Variants in ATG16L1 observed in about 807,000 individuals in gnomAD.
The protein encoded by ATG16L1 is autophagy-related protein 16-1.
In ATG16L1, 37 loss-of-function variants were observed where a neutral mutation model predicts 88.5. The observed-to-expected ratio is 0.42, with a 90% CI of 0.32 to 0.55. The LOEUF is 0.55. Among genes scored for constraint, ATG16L1 ranks in the 20% least tolerant of loss-of-function variants. The pLI, the probability that ATG16L1 is intolerant of heterozygous loss-of-function variation, is 0.13. For synonymous variants in ATG16L1, 301 were observed against 281.0 expected, an observed-to-expected ratio of 1.07 and a Z score of -0.71; for missense variants, 554 against 752.8, an observed-to-expected ratio of 0.74 and a Z score of 3.09.
intron 11 of ATG16L1, among the ~76,000 whole-genome samples, chr2:233,282,182 T>G (rs1381823029): frequency 1.3e-5 from 2 of 152,144 alleles, no homozygotes; most frequent in Non-Finnish European, 2.9e-5. Flanking sequence ...GAAGACTGGC[T>G]TGGAGGAAGC....
chr2:233,279,788 G>A (rs747734966), intron 10 of ATG16L1, among the ~76,000 whole-genome samples: 22 of 151,762 alleles, frequency 1.4e-4, no homozygotes, highest in Non-Finnish European at 3.2e-4. Flanking sequence ...AGATAATTAA[G>A]AGTTTTAATA....
At chr2:233,277,464 T>C (rs1032081264) in intron 9 of ATG16L1, 104 bp from the exon 10 acceptor site, 12 of 1,027,790 alleles carry the variant, frequency 1.2e-5, no homozygotes, top group Non-Finnish European at 1.8e-5. Flanking sequence ...CACCTGTCTT[T>C]AAGGATGAGT....
chr2:233,274,176 C>T (rs771592219), intron 8 of ATG16L1: 59 of 974,130 alleles, frequency 6.1e-5, no homozygotes, highest in South Asian at 5.4e-4. Flanking sequence ...CTAGGAATGC[C>T]GGGAGCCCTC....
chr2:233,255,324 ACT>A (rs1186636476), intron 1 of ATG16L1, among the ~76,000 whole-genome samples: 1 of 151,802 alleles, frequency 6.6e-6, no homozygotes, highest in Non-Finnish European at 1.5e-5. Flanking sequence ...GAATTTCTGT[ACT>A]CTGTCTCCTG....
At position 233,293,354 on chromosome 2, in the gene ATG16L1, A is replaced by C. The variant is rs1699594038; in HGVS notation, c.1727A>C (p.His576Pro). ...GTGGAAAAGGTTCTTTCAAAGCAGCACAGGTAAGATGAACCCTGTCTCAGC... is the reference window on the plus strand; with the variant it reads ...GTGGAAAAGGTTCTTTCAAAGCAGCCCAGGTAAGATGAACCCTGTCTCAGC... ...GKVEKVLSKQ[H>P]SSSINAVAWS... is the part of the protein sequence containing the mutation. The change falls in exon 17 of 18, where the codon CAC (histidine) becomes CCC (proline). Residue 576 changes from histidine (H) to proline (P), a missense_variant. His to Pro is a moderately conservative substitution (Grantham distance 77). This residue lies in a region of ATG16L1 where 370 missense variants were observed against 509.7 expected (regional missense o/e 0.73). Transcript: ENST00000392017. The C allele has an allele frequency of 6.2e-7, 1 of 1,613,692 alleles. No individual in the cohort carries two copies. Among genetic ancestry groups the C allele is most frequent in the Non-Finnish European group, 8.5e-7 (1 of 1,179,704 alleles).
chr2:233,289,795 G>C, intron 12 of ATG16L1, 59 bp from the exon 13 acceptor site: 1 of 1,594,982 alleles, frequency 6.3e-7, no homozygotes, highest in Non-Finnish European at 8.6e-7. Flanking sequence ...TGGATACTTT[G>C]CCAGCATAGG....
At chr2:233,255,420 G>A (rs1251976324) in intron 1 of ATG16L1, among the ~76,000 whole-genome samples, 1 of 152,108 alleles carries the variant, frequency 6.6e-6, no homozygotes, top group African/African-American at 2.4e-5. Context: ...AGCATCCTCC[G>A]CCCAGTTGCT....
rs1264366630 is a variant in ATG16L1 at position 233,294,318 on chromosome 2, G to A, written c.1792G>A (p.Gly598Arg). The A allele has an allele frequency of 6.2e-7, 1 of 1,613,624 alleles. No homozygotes were observed. The highest frequency in any genetic ancestry group is 1.7e-5 in the Admixed American group (1 of 59,990). ...CTCGCACGTTGTCAGTGTGGACAAA[G>A]GATGCAAAGCTGTGCTGTGGGCACA... Reference protein sequence around the residue: ...SGSHVVSVDKGCKAVLWAQY With the variant: ...SGSHVVSVDKRCKAVLWAQY Residue 598 changes from glycine (G) to arginine (R), a missense_variant, in exon 18 of 18, where the codon GGA (glycine) becomes AGA (arginine). Transcript: ENST00000392017.
chr2:233,269,963 G>T, intron 5 of ATG16L1, 39 bp from the exon 6 acceptor site: 2 of 1,561,490 alleles, frequency 1.3e-6, no homozygotes, highest in Non-Finnish European at 1.7e-6. Context: ...TTCTTAAGCA[G>T]ACATAAATGG....
At chr2:233,264,093 C>A (rs201210725) in intron 4 of ATG16L1, 28 bp downstream of exon 4, 5 of 1,612,038 alleles carry the variant, frequency 3.1e-6, no homozygotes, top group Non-Finnish European at 4.2e-6. Flanking sequence ...CTCCTTGGAG[C>A]CTGGTCATTG....
chr2:233,263,442 T>G (rs1697352328), intron 3 of ATG16L1, among the ~76,000 whole-genome samples: 1 of 152,048 alleles, frequency 6.6e-6, no homozygotes, highest in African/African-American at 2.4e-5. Context: ...GGCAATCCTG[T>G]GAGAGCGCTG....
At chr2:233,264,819 T>C in intron 4 of ATG16L1, 73 bp from the exon 5 acceptor site, 1 of 1,580,366 alleles carries the variant, frequency 6.3e-7, no homozygotes, top group Non-Finnish European at 8.6e-7. Context: ...TGTTAAGCAC[T>C]CAGCCAGGTC....
chr2:233,293,684 G>A (rs1287909537), intron 17 of ATG16L1, among the ~76,000 whole-genome samples: 2 of 152,072 alleles, frequency 1.3e-5, no homozygotes, highest in Non-Finnish European at 2.9e-5. Flanking sequence ...CCGCCTCCCT[G>A]TCTCCCTTGG....
At chr2:233,256,055 A>T (rs778163693) in intron 1 of ATG16L1, 47 bp from the exon 2 acceptor site, 1 of 1,478,814 alleles carries the variant, frequency 6.8e-7, no homozygotes, top group Admixed American at 1.7e-5. Flanking sequence ...GCAAGTGTAC[A>T]TACGTTGTAA....
intron 1 of ATG16L1, 101 bp downstream of exon 1, chr2:233,252,043 C>A: frequency 4.8e-6 from 5 of 1,045,930 alleles, no homozygotes; most frequent in Non-Finnish European, 6.4e-6. Flanking sequence ...GCGCCGCCCG[C>A]ACGCATGGCG....
intron 2 of ATG16L1, among the ~76,000 whole-genome samples, chr2:233,257,089 G>C (rs562355660): frequency 5.2e-4 from 78 of 150,396 alleles, no homozygotes; most frequent in Non-Finnish European, 8.0e-4. Flanking sequence ...GAGTGCAGTG[G>C]CGCGTTCTGG....
chr2:233,256,969 T>C (rs540197399), intron 2 of ATG16L1, among the ~76,000 whole-genome samples: 52 of 152,308 alleles, frequency 3.4e-4, no homozygotes, highest in South Asian at 1.7e-3. Context: ...CCGAAAGTGT[T>C]GGGATTACAG....
In ATG16L1 at chr2:233,295,250, G is replaced by A. The variant is rs555724225; in HGVS notation, c.*900G>A. ...TAGTGCAAGAAGCCTAGGCTCAGAAGCACAGCAGCGCCATCTTTCCGTTTC... is the reference window on the plus strand; with the variant it reads ...TAGTGCAAGAAGCCTAGGCTCAGAAACACAGCAGCGCCATCTTTCCGTTTC... On this transcript the variant is annotated 3_prime_UTR_variant, in exon 18 of 18. Coordinates refer to ENST00000392017, the MANE Select transcript of ATG16L1 (RefSeq NM_030803.7). The A allele has an allele frequency of 2.0e-5, 3 of 152,900 alleles. No individual in the cohort carries two copies. The highest frequency in any genetic ancestry group is 1.3e-4 in the Admixed American group (2 of 15,302). 9.5% of individuals were successfully genotyped at this position (152,900 alleles called of 1,614,324 possible).
In ATG16L1 at chr2:233,251,740, C is replaced by G; in HGVS notation, c.-88C>G. ...TGAGCTCCGGGATTGCCGGCATTCC[C>G]GCTTCTGCTGGTTGCTTCATGCTGC... On this transcript the variant is annotated 5_prime_UTR_variant, in exon 1 of 18. Transcript: ENST00000392017. 8.0e-7 allele frequency: 1 copy of G among 1,251,478 alleles called. No individual in the cohort carries two copies. The highest frequency in any genetic ancestry group is 1.3e-5 in the South Asian group (1 of 77,882). 77.5% of individuals were successfully genotyped at this position (1,251,478 alleles called of 1,614,324 possible).
Sources: gnomAD v4.1 joint callset for allele counts (sites outside exome capture counted in the v4.1 genomes callset) on GRCh38, gnomAD v4.1.1 for gene constraint, gnomAD v4.1.1 regional missense constraint, MANE v1.5 for transcripts, NCBI Gene and HGNC (gene_info 2026-07-23, HGNC 2026-07-21) for gene names.